The following NKAIN2 variants were observed in gnomAD, a reference collection of about 807,000 sequenced individuals.
NKAIN2 encodes sodium/potassium-transporting ATPase subunit beta-1-interacting protein 2.
Under a neutral mutation model 32.6 loss-of-function variants are expected in NKAIN2, and 14 were observed. The observed-to-expected ratio is 0.43, with a 90% CI of 0.28 to 0.67. NKAIN2 has a LOEUF of 0.67. Among genes scored for constraint, NKAIN2 ranks in the 30% least tolerant of loss-of-function variants. The probability of loss-of-function intolerance (pLI) is 0.17; values close to 1 mark genes in which losing one functional copy is unlikely to be tolerated. For synonymous variants in NKAIN2, 80 were observed against 87.2 expected, an observed-to-expected ratio of 0.92 and a Z score of 0.46; for missense variants, 198 against 258.3, an observed-to-expected ratio of 0.77 and a Z score of 1.60.
chr6:123,865,556 TTA>T (rs1293407989), intron 1 of NKAIN2, among the ~76,000 whole-genome samples: 2 of 152,220 alleles, frequency 1.3e-5, no homozygotes, highest in African/African-American at 4.8e-5. Flanking sequence ...CTTATTTTTG[TTA>T]TATGTTTTAT....
At chr6:124,262,780 A>G (rs577651835) in intron 1 of NKAIN2, among the ~76,000 whole-genome samples, 22 of 152,166 alleles carry the variant, frequency 1.4e-4, no homozygotes, top group Admixed American at 3.3e-4. Flanking sequence ...CAAAAACTGG[A>G]AAACCAGTTA....
At chr6:124,011,046 GACC>G (rs1401445877) in intron 1 of NKAIN2, among the ~76,000 whole-genome samples, 1 of 151,552 alleles carries the variant, frequency 6.6e-6, no homozygotes, top group Non-Finnish European at 1.5e-5. Context: ...AACTCATTTT[GACC>G]AGATTCTGCT....
At chr6:124,464,497 T>C (rs1376411057) in intron 3 of NKAIN2, among the ~76,000 whole-genome samples, 2 of 152,062 alleles carry the variant, frequency 1.3e-5, no homozygotes, top group Non-Finnish European at 2.9e-5. Context: ...GACTTTGATT[T>C]ATTACATCTT....
chr6:124,413,965 T>A (rs1435384033), intron 3 of NKAIN2, among the ~76,000 whole-genome samples: 11 of 152,052 alleles, frequency 7.2e-5, no homozygotes, highest in Non-Finnish European at 1.5e-4. Flanking sequence ...ATAATCATGT[T>A]GTCTCAAAAA....
chr6:124,132,984 G>T (rs1276385106), intron 1 of NKAIN2, among the ~76,000 whole-genome samples: 1 of 152,166 alleles, frequency 6.6e-6, no homozygotes, highest in Non-Finnish European at 1.5e-5. Context: ...ATGTCTTTTG[G>T]CTGGTGAGTC....
In NKAIN2 at chr6:124,529,528, T is replaced by G. The variant is rs561024717; in HGVS notation, c.274-128658T>G. 7.9e-5 allele frequency among the ~76,000 whole-genome samples: 12 copies of G among 152,292 alleles called. No individual in the cohort carries two copies. In the South Asian group the frequency reaches 2.5e-3, roughly 32 times the overall value. On this transcript the variant is annotated intron_variant, in intron 3 of 6. Transcript: ENST00000368417. ...AGTCCAGTACTCAGTCCACTTTGCA[T>G]GGTGGTTCGGTCTCCTCGACTAAGC...
chr6:124,380,920 A>G (rs924535074), intron 3 of NKAIN2, among the ~76,000 whole-genome samples: 2 of 152,190 alleles, frequency 1.3e-5, no homozygotes, highest in African/African-American at 4.8e-5. Flanking sequence ...CCACATTGCA[A>G]GTAACCTTTA....
chr6:124,490,668 G>A (rs1232308660), intron 3 of NKAIN2, among the ~76,000 whole-genome samples: 2 of 151,560 alleles, frequency 1.3e-5, no homozygotes, highest in Non-Finnish European at 3.0e-5. Context: ...AATATATCAG[G>A]CAGGAGTCTA....
intron 1 of NKAIN2, among the ~76,000 whole-genome samples, chr6:124,282,544 A>G (rs1034799256): frequency 5.9e-5 from 9 of 152,148 alleles, no homozygotes; most frequent in African/African-American, 2.2e-4. Flanking sequence ...TTGTCTTGCT[A>G]AAGGGTTCTT....
intron 1 of NKAIN2, among the ~76,000 whole-genome samples, chr6:123,871,497 C>T (rs969615947): frequency 6.6e-6 from 1 of 152,122 alleles, no homozygotes; most frequent in Non-Finnish European, 1.5e-5. Flanking sequence ...CCCTCTTTGC[C>T]TCCTCCCCCC....
At chr6:124,525,550 T>C (rs539236783) in intron 3 of NKAIN2, among the ~76,000 whole-genome samples, 2 of 152,280 alleles carry the variant, frequency 1.3e-5, no homozygotes, top group South Asian at 4.1e-4. Context: ...AAAAAACTTA[T>C]ATGGGACAGG....
intron 3 of NKAIN2, among the ~76,000 whole-genome samples, chr6:124,498,108 A>G (rs1202178640): frequency 6.6e-6 from 1 of 152,146 alleles, no homozygotes. Context: ...TTAAGCCCAA[A>G]AGACGAAGAA....
intron 1 of NKAIN2, among the ~76,000 whole-genome samples, chr6:124,147,963 C>G (rs1425319775): frequency 1.3e-5 from 2 of 152,112 alleles, no homozygotes; most frequent in African/African-American, 4.8e-5. Context: ...CTGGTCATGG[C>G]TTTTCTTCTC....
At chr6:124,449,265 C>A (rs1340195063) in intron 3 of NKAIN2, among the ~76,000 whole-genome samples, 1 of 151,872 alleles carries the variant, frequency 6.6e-6, no homozygotes, top group Non-Finnish European at 1.5e-5. Flanking sequence ...AATCTGACAT[C>A]AATATTTTTA....
chr6:124,175,700 T>C (rs2114520045), intron 1 of NKAIN2, among the ~76,000 whole-genome samples: 1 of 152,322 alleles, frequency 6.6e-6, no homozygotes, highest in Middle Eastern at 3.4e-3. Context: ...CCCTTCTGTT[T>C]ACAGGATGAA....
At chr6:124,652,499 C>T (rs1210327923) in intron 3 of NKAIN2, among the ~76,000 whole-genome samples, 1 of 152,130 alleles carries the variant, frequency 6.6e-6, no homozygotes, top group Non-Finnish European at 1.5e-5. Flanking sequence ...TTCGGGTATT[C>T]GTTATAGTAC....
At chr6:123,932,406 CTTTTT>C (rs57063550) in intron 1 of NKAIN2, among the ~76,000 whole-genome samples, 9 of 104,438 alleles carry the variant, frequency 8.6e-5, no homozygotes, top group African/African-American at 2.5e-4. Flanking sequence ...TTCTGTCTTT[CTTTTT>C]TTTTTTTTTT....
Position 124,283,124 on chromosome 6 carries a change from A to T in NKAIN2, c.174A>T (p.Arg58Ser). 1.2e-6 allele frequency: 2 copies of T among 1,607,922 alleles called. No homozygotes were observed. The highest frequency in any genetic ancestry group is 1.7e-6 in the Non-Finnish European group (2 of 1,174,520). ...ILGLFGTIQY[R>S]PRYITGYAVW... Reference sequence around the variant, plus strand: ...GTTTGTTTGGAACTATTCAATATAGACCTCGTTACATAACAGGAGTAAGTA... The same window carrying T: ...GTTTGTTTGGAACTATTCAATATAGTCCTCGTTACATAACAGGAGTAAGTA... Residue 58 changes from arginine (R) to serine (S), a missense_variant, in exon 2 of 7, where the codon AGA becomes AGT. Physicochemically the swap from Arg to Ser is moderately radical, Grantham distance 110. Coordinates refer to ENST00000368417, the MANE Select transcript of NKAIN2 (RefSeq NM_001040214.3).
chr6:123,821,397 G>A (rs1234107450), intron 1 of NKAIN2, among the ~76,000 whole-genome samples: 1 of 152,140 alleles, frequency 6.6e-6, no homozygotes, highest in Non-Finnish European at 1.5e-5. Context: ...CTGCTCAAAT[G>A]GACAGTGCAA....
Sources: allele counts gnomAD v4.1 joint callset (sites outside exome capture counted in the v4.1 genomes callset), GRCh38; gene constraint gnomAD v4.1.1; transcripts MANE v1.5; gene names NCBI Gene and HGNC (gene_info 2026-07-23, HGNC 2026-07-21).